Variants in DYNC2H1 observed in about 807,000 individuals in gnomAD.
DYNC2H1 encodes the protein dynein cytoplasmic 2 heavy chain 1.
DYNC2H1 carries 410 observed loss-of-function variants against 570.0 expected under a neutral mutation model. The observed-to-expected ratio is 0.72, with a 90% confidence interval of 0.66 to 0.78. The LOEUF (loss-of-function observed/expected upper bound fraction) is 0.78. Among genes scored for constraint, DYNC2H1 ranks in the 30% least tolerant of loss-of-function variants. DYNC2H1 has a pLI of 0.00. For synonymous variants in DYNC2H1, 1,688 were observed against 1,677.6 expected (o/e 1.01, Z -0.15); for missense variants, 4,865 against 5,046.4 (o/e 0.96, Z 1.09).
At chr11:103,207,815 T>C (rs1862999601) in intron 52 of DYNC2H1, among the ~76,000 whole-genome samples, 1 of 152,072 alleles carries the variant, frequency 6.6e-6, no homozygotes, top group Non-Finnish European at 1.5e-5. Flanking sequence ...TTGATCAGAA[T>C]TGGGACTTTG....
intron 84 of DYNC2H1, among the ~76,000 whole-genome samples, chr11:103,426,322 C>G (rs1205441187): frequency 6.6e-6 from 1 of 152,158 alleles, no homozygotes; most frequent in Non-Finnish European, 1.5e-5. Flanking sequence ...ATTTCCTACT[C>G]CACACTTTAT....
chr11:103,202,453 G>A (rs1591400873), intron 50 of DYNC2H1, among the ~76,000 whole-genome samples: 1 of 152,012 alleles, frequency 6.6e-6, no homozygotes, highest in Admixed American at 6.6e-5. Flanking sequence ...AGTAGGCTTG[G>A]TTTCTTTTTT....
At chr11:103,373,502 A>G (rs1229795521) in intron 83 of DYNC2H1, among the ~76,000 whole-genome samples, 1 of 152,036 alleles carries the variant, frequency 6.6e-6, no homozygotes, top group Non-Finnish European at 1.5e-5. Flanking sequence ...TATTTTTACA[A>G]TTTCCCAAAT....
Position 103,234,115 on chromosome 11 carries a change from CTTAA to C in DYNC2H1, c.9528_9531del (p.Asn3177SerfsTer14). The stretch of plus-strand genomic sequence containing the variant: ...AAGAAACAATCAAAGCTGCAGAAGT[CTTAA>C]TTAATCAGCTTGACAGAGAACATAA... On this transcript the variant is annotated frameshift_variant, in exon 61 of 89. Transcript: ENST00000375735. LOFTEE classifies it high-confidence loss of function. 1 of 1,576,736 alleles carries C rather than the reference CTTAA, an allele frequency of 6.3e-7. No homozygotes were observed. The highest frequency in any genetic ancestry group is 8.6e-7 in the Non-Finnish European group (1 of 1,159,924).
chr11:103,269,206 A>G (rs567528386), intron 70 of DYNC2H1, among the ~76,000 whole-genome samples: 3 of 152,286 alleles, frequency 2.0e-5, no homozygotes, highest in African/African-American at 7.2e-5. Context: ...TTAATTGATG[A>G]TGGAATATCT....
intron 82 of DYNC2H1, among the ~76,000 whole-genome samples, chr11:103,330,355 C>A (rs28638074): frequency 0.099 from 15,039 of 151,798 alleles, 1,691 homozygotes; most frequent in African/African-American, 0.27. Flanking sequence ...ATGAGAAACA[C>A]TTTAAAATTA....
chr11:103,303,035 T>C, intron 75 of DYNC2H1, 58 bp from the exon 76 acceptor site: 1 of 1,254,642 alleles, frequency 8.0e-7, no homozygotes, highest in Non-Finnish European at 1.0e-6. Context: ...TTAGATTTAA[T>C]AAACTTTTTA....
chr11:103,392,209 C>T, intron 83 of DYNC2H1, among the ~76,000 whole-genome samples: 1 of 152,236 alleles, frequency 6.6e-6, no homozygotes, highest in East Asian at 1.9e-4. Flanking sequence ...GCGGGCGCCC[C>T]TCCCCCAGCC....
intron 14 of DYNC2H1, among the ~76,000 whole-genome samples, chr11:103,134,050 T>G (rs1174719179): frequency 6.6e-6 from 1 of 152,176 alleles, no homozygotes; most frequent in Non-Finnish European, 1.5e-5. Context: ...ATGACTTTGA[T>G]GAGTACTGAT....
In DYNC2H1 at chr11:103,382,131, G is replaced by A. The variant is rs535283636; in HGVS notation, c.12157-17532G>A. 5.9e-5 allele frequency among the ~76,000 whole-genome samples: 9 copies of A among 151,984 alleles called. No homozygotes were observed. In the South Asian group the frequency reaches 1.7e-3, roughly 28 times the overall value. ...CCAGCAATTTTTAATACCTGTTGAT[G>A]GTGATAACTATTGAGAATTACTGAC... On this transcript the variant is annotated intron_variant, in intron 83 of 88. Coordinates refer to ENST00000375735, the MANE Select transcript of DYNC2H1 (RefSeq NM_001377.3).
chr11:103,125,452 G>T (rs925727884), intron 12 of DYNC2H1, among the ~76,000 whole-genome samples, 157 bp downstream of exon 12: 2 of 135,730 alleles, frequency 1.5e-5, no homozygotes, highest in Admixed American at 7.9e-5. Context: ...TACAAAATTT[G>T]CTTTGTAACC....
At position 103,114,238 on chromosome 11, in the gene DYNC2H1, G is replaced by A. The variant is rs1421903881; in HGVS notation, c.502G>A (p.Gly168Ser). The A allele has an allele frequency of 1.3e-6, 2 of 1,582,782 alleles. No homozygotes were observed. The highest frequency in any genetic ancestry group is 1.8e-5 in the Admixed American group (1 of 55,042). Residue 168 changes from glycine (G) to serine (S), a missense_variant and splice_region_variant, in exon 3 of 89, where the codon GGT becomes AGT. Gly to Ser is a moderately conservative substitution (Grantham distance 56, BLOSUM62 0). Around this residue, in one of 5 missense-constraint regions of DYNC2H1, gnomAD observed 1,936 missense variants for 1,962.1 expected, o/e 0.99. Transcript: ENST00000375735. ...GAAATTTAAGGAAGATGACACACGA[G>A]GTATATAACCATAGCTTAATAAAAG... Reference protein sequence around the residue: ...KLKFKEDDTRGILTPSDEFQF... With the variant: ...KLKFKEDDTRSILTPSDEFQF...
At chr11:103,382,809 A>G (rs1405018850) in intron 83 of DYNC2H1, among the ~76,000 whole-genome samples, 1 of 152,214 alleles carries the variant, frequency 6.6e-6, no homozygotes, top group African/African-American at 2.4e-5. Flanking sequence ...GATAATAAAA[A>G]TTATGTCATT....
intron 82 of DYNC2H1, among the ~76,000 whole-genome samples, chr11:103,331,140 C>T (rs1938766114): frequency 1.3e-5 from 2 of 152,184 alleles, no homozygotes; most frequent in Non-Finnish European, 2.9e-5. Context: ...GGGCATATGG[C>T]ATACCTAGGC....
intron 85 of DYNC2H1, among the ~76,000 whole-genome samples, chr11:103,443,759 ATAT>A (rs1314268888): frequency 6.6e-5 from 10 of 151,786 alleles, no homozygotes; most frequent in Admixed American, 5.9e-4. Context: ...AAGTGAGAAA[ATAT>A]TATGTGTACC....
At chr11:103,477,379 C>G (rs1406334073) in intron 88 of DYNC2H1, among the ~76,000 whole-genome samples, 13 of 152,040 alleles carry the variant, frequency 8.6e-5, no homozygotes, top group Non-Finnish European at 1.6e-4. Context: ...AAGTTCCATT[C>G]CAACTCTGCA....
intron 55 of DYNC2H1, among the ~76,000 whole-genome samples, chr11:103,218,865 G>T (rs1473348635): frequency 6.6e-6 from 1 of 152,100 alleles, no homozygotes; most frequent in African/African-American, 2.4e-5. Flanking sequence ...ATTTCTGTTT[G>T]GTATTTTGTA....
rs1289832561 is a variant in DYNC2H1 at position 103,129,458 on chromosome 11, G to T, written c.1953+453G>T. Among the ~76,000 whole-genome samples, 1 of 152,168 alleles carries T rather than the reference G, an allele frequency of 6.6e-6. No homozygotes were observed. The highest frequency in any genetic ancestry group is 6.5e-5 in the Admixed American group (1 of 15,270). ...AGCACTTTCGAGGCCGAGGCGGGTG[G>T]ATCACCTGACATCAGGGGTTTGAGA... On this transcript the variant is annotated intron_variant, in intron 13 of 88. Transcript: ENST00000375735. This position sits in a 1 kb window ranked among gnomAD's most constrained non-coding sequence, Gnocchi z 4.1.
At chr11:103,422,336 T>C (rs772876496) in intron 84 of DYNC2H1, among the ~76,000 whole-genome samples, 1 of 152,154 alleles carries the variant, frequency 6.6e-6, no homozygotes, top group Non-Finnish European at 1.5e-5. Flanking sequence ...CCCTAACTTA[T>C]TCTATAAAGC....
Sources: allele counts gnomAD v4.1 joint callset (sites outside exome capture counted in the v4.1 genomes callset), GRCh38; gene constraint gnomAD v4.1.1; regional missense constraint gnomAD v4.1.1; non-coding constraint Gnocchi (gnomAD v3.1); transcripts MANE v1.5; gene names NCBI Gene and HGNC (gene_info 2026-07-23, HGNC 2026-07-21).